The following TMPRSS11E variants were observed in gnomAD, a reference collection of about 807,000 sequenced individuals.
The protein encoded by TMPRSS11E is transmembrane protease serine 11E.
Under a neutral mutation model 48.1 loss-of-function variants are expected in TMPRSS11E, and 38 were observed. The ratio of observed to expected loss-of-function variants is 0.79; its 90% confidence interval spans 0.61 to 1.04. The LOEUF (loss-of-function observed/expected upper bound fraction) is 1.04, where lower values mean the gene tolerates loss of function less well. Ranked by LOEUF, TMPRSS11E falls within the 50% of genes least tolerant of loss-of-function variation. The pLI is 0.00. For synonymous variants in TMPRSS11E, 158 were observed against 171.9 expected (o/e 0.92, Z 0.63); for missense variants, 530 against 510.8 (o/e 1.04, Z -0.36).
chr4:68,485,188 C>T (rs189342335), intron 9 of TMPRSS11E, among the ~76,000 whole-genome samples: 1 of 151,932 alleles, frequency 6.6e-6, no homozygotes, highest in Admixed American at 6.6e-5. Flanking sequence ...GCTTTGTCAC[C>T]CAGGCTGGAG....
At chr4:68,454,267 A>C (rs1728569894) in intron 1 of TMPRSS11E, among the ~76,000 whole-genome samples, 1 of 151,946 alleles carries the variant, frequency 6.6e-6, no homozygotes, top group Non-Finnish European at 1.5e-5. Flanking sequence ...AGTCATCAGT[A>C]TATAGATATG....
chr4:68,468,539 TGGG>T (rs1230023293), intron 3 of TMPRSS11E, among the ~76,000 whole-genome samples: 2 of 152,126 alleles, frequency 1.3e-5, no homozygotes, highest in Non-Finnish European at 2.9e-5. Flanking sequence ...CCTTTGTCTA[TGGG>T]CAGTAAAAGT....
chr4:68,495,176 A>G (rs1211488448), intron 9 of TMPRSS11E, among the ~76,000 whole-genome samples: 1 of 151,920 alleles, frequency 6.6e-6, no homozygotes, highest in Non-Finnish European at 1.5e-5. Context: ...TAGACTCTAT[A>G]TTTTTTTCTA....
chr4:68,474,388 G>T (rs1032287822), intron 5 of TMPRSS11E, among the ~76,000 whole-genome samples: 3 of 152,066 alleles, frequency 2.0e-5, no homozygotes, highest in Non-Finnish European at 4.4e-5. Context: ...CCATGGAGGG[G>T]CTGTGGACTC....
chr4:68,484,510 G>A (rs1250557715), intron 9 of TMPRSS11E, among the ~76,000 whole-genome samples: 2 of 152,046 alleles, frequency 1.3e-5, no homozygotes, highest in Non-Finnish European at 2.9e-5. Flanking sequence ...GTCTTGCCAT[G>A]TTGCTCATGC....
chr4:68,485,568 T>G (rs1238378841), intron 9 of TMPRSS11E, among the ~76,000 whole-genome samples: 2 of 152,216 alleles, frequency 1.3e-5, no homozygotes, highest in Non-Finnish European at 2.9e-5. Flanking sequence ...TTGTTGAGGA[T>G]TTTTGCATCA....
intron 5 of TMPRSS11E, among the ~76,000 whole-genome samples, chr4:68,474,232 G>A (rs1729150174): frequency 6.6e-6 from 1 of 152,112 alleles, no homozygotes; most frequent in Non-Finnish European, 1.5e-5. Context: ...TTAACTGTGA[G>A]TGAGTACAAA....
chr4:68,493,050 G>C (rs770807730), intron 9 of TMPRSS11E, among the ~76,000 whole-genome samples: 1 of 151,918 alleles, frequency 6.6e-6, no homozygotes, highest in Admixed American at 6.6e-5. Flanking sequence ...AGTCTCTATA[G>C]TAATGTCCTT....
chr4:68,479,166 T>G (rs553114334), intron 9 of TMPRSS11E, among the ~76,000 whole-genome samples, 175 bp downstream of exon 9: 43 of 152,308 alleles, frequency 2.8e-4, no homozygotes, highest in South Asian at 4.1e-4. Flanking sequence ...TCTGGGAAAC[T>G]GACAGTCGTA....
chr4:68,475,556 C>T (rs929791993), intron 6 of TMPRSS11E, among the ~76,000 whole-genome samples: 7 of 152,194 alleles, frequency 4.6e-5, no homozygotes, highest in African/African-American at 1.7e-4. Context: ...TGTGCTAGCA[C>T]TGTGTTAGAC....
Position 68,468,936 on chromosome 4 carries a change from A to T in TMPRSS11E, c.316A>T (p.Ile106Phe). The change falls in exon 4 of 10, where the codon ATC becomes TTC. Residue 106 changes from isoleucine (I) to phenylalanine (F), a missense_variant. Physicochemically the swap from Ile to Phe is conservative, Grantham distance 21. Transcript: ENST00000305363. ...LREEFVKSQV[I>F]KFSQQKHGVL... ...GGAAGAATTTGTCAAGTCTCAGGTTATCAAGTTCAGGTATGTAAATCTGAA... is the reference window on the plus strand; with the variant it reads ...GGAAGAATTTGTCAAGTCTCAGGTTTTCAAGTTCAGGTATGTAAATCTGAA... 6.2e-7 allele frequency: 1 copy of T among 1,611,000 alleles called. No homozygotes were observed. The highest frequency in any genetic ancestry group is 1.1e-5 in the South Asian group (1 of 90,930).
rs1166577864 is a variant in TMPRSS11E, at chr4:68,449,128, T to TG, written c.11+1605_11+1606insG. Among the ~76,000 whole-genome samples, 160 of 150,782 alleles carry TG rather than the reference T, an allele frequency of 1.1e-3. 2 individuals carry two copies. Among genetic ancestry groups the TG allele is most frequent in the African/African-American group, 3.0e-3 (123 of 41,164 alleles). ...TACCTGAATAAGAATCAGTTTTTTTTTTTTTTTTTTAGAATTTAAGGGTAG... is the reference window on the plus strand; with the variant it reads ...TACCTGAATAAGAATCAGTTTTTTTTGTTTTTTTTTTAGAATTTAAGGGTAG... On this transcript the variant is annotated intron_variant, in intron 1 of 9. Coordinates refer to ENST00000305363, the MANE Select transcript of TMPRSS11E (RefSeq NM_014058.4).
intron 1 of TMPRSS11E, among the ~76,000 whole-genome samples, chr4:68,461,125 C>T (rs935179515): frequency 9.2e-5 from 14 of 152,152 alleles, no homozygotes; most frequent in African/African-American, 3.4e-4. Context: ...TCATGATCCG[C>T]CCGCCTCGGC....
At chr4:68,463,088 A>G (rs1303168689) in intron 2 of TMPRSS11E, among the ~76,000 whole-genome samples, 5 of 152,190 alleles carry the variant, frequency 3.3e-5, no homozygotes, top group Non-Finnish European at 1.5e-5. Context: ...ACCTTGTTGA[A>G]GTTTCTTTCC....
intron 3 of TMPRSS11E, among the ~76,000 whole-genome samples, chr4:68,467,021 T>C (rs913754627): frequency 3.9e-5 from 6 of 152,086 alleles, no homozygotes; most frequent in Non-Finnish European, 5.9e-5. Flanking sequence ...TCTTGATCAG[T>C]AGAGTCCAGA....
chr4:68,452,210 A>G (rs957994889), intron 1 of TMPRSS11E, among the ~76,000 whole-genome samples: 8 of 151,896 alleles, frequency 5.3e-5, no homozygotes, highest in Non-Finnish European at 8.8e-5. Context: ...CAAACAGAAG[A>G]GTTAAATTAA....
chr4:68,488,869 C>CT lies in TMPRSS11E; in HGVS notation c.1111-7771dup. Among the ~76,000 whole-genome samples, 3 of 152,340 alleles carry CT rather than the reference C, an allele frequency of 2.0e-5. No individual in the cohort carries two copies. In the South Asian group the frequency reaches 6.2e-4, roughly 32 times the overall value. On this transcript the variant is annotated intron_variant, in intron 9 of 9. Coordinates refer to ENST00000305363, the MANE Select transcript of TMPRSS11E (RefSeq NM_014058.4). ...TTCTTTCTTAAAATGGCAATTTCAT[C>CT]TTTCAGCTCTTGTGTTATTTTATTG... is the stretch of plus-strand genomic sequence containing the variant.
chr4:68,456,302 G>A (rs374152922), intron 1 of TMPRSS11E, among the ~76,000 whole-genome samples: 20 of 152,050 alleles, frequency 1.3e-4, no homozygotes, highest in Admixed American at 3.9e-4. Flanking sequence ...AGAACTAGCC[G>A]TAATTATTAT....
At chr4:68,490,452 G>A (rs1729683908) in intron 9 of TMPRSS11E, among the ~76,000 whole-genome samples, 1 of 152,084 alleles carries the variant, frequency 6.6e-6, no homozygotes, top group Non-Finnish European at 1.5e-5. Context: ...AGAGGGAGGG[G>A]GATGTATGAA....
Sources: gnomAD v4.1 joint callset for allele counts (sites outside exome capture counted in the v4.1 genomes callset) on GRCh38, gnomAD v4.1.1 for gene constraint, MANE v1.5 for transcripts, NCBI Gene and HGNC (gene_info 2026-07-23, HGNC 2026-07-21) for gene names.